The following STPG4 variants were observed in gnomAD, a reference collection of about 807,000 sequenced individuals.
STPG4 encodes the protein protein STPG4.
STPG4 carries 41 observed loss-of-function variants against 31.5 expected under a neutral mutation model. The observed-to-expected ratio is 1.30, with a 90% CI of 1.01 to 1.69. STPG4 has a LOEUF of 1.69. Among genes scored for constraint, STPG4 ranks in the 40% most tolerant of loss-of-function variants. The pLI, the probability that STPG4 is intolerant of heterozygous loss-of-function variation, is 0.00. For missense variants in STPG4, 375 were observed against 293.4 expected, an observed-to-expected ratio of 1.28 and a Z score of -2.03; for synonymous variants, 141 against 103.0, an observed-to-expected ratio of 1.37 and a Z score of -2.24.
At chr2:47,105,780 G>T (rs941502657) in intron 5 of STPG4, among the ~76,000 whole-genome samples, 1 of 152,026 alleles carries the variant, frequency 6.6e-6, no homozygotes, top group Non-Finnish European at 1.5e-5. Flanking sequence ...AACTGGGAAA[G>T]GGAAAAAGAA....
chr2:47,093,164 T>C, intron 5 of STPG4, among the ~76,000 whole-genome samples: 1 of 152,198 alleles, frequency 6.6e-6, no homozygotes, highest in East Asian at 1.9e-4. Context: ...GGGGCTGCCA[T>C]TCTCAATTAC....
chr2:47,103,625 C>A (rs1685844799), intron 5 of STPG4, among the ~76,000 whole-genome samples: 1 of 151,906 alleles, frequency 6.6e-6, no homozygotes, highest in Non-Finnish European at 1.5e-5. Context: ...TTTACTGGGA[C>A]ACTTTAAAAA....
intron 5 of STPG4, among the ~76,000 whole-genome samples, chr2:47,106,669 T>C (rs1429194789): frequency 6.6e-6 from 1 of 151,704 alleles, no homozygotes; most frequent in African/African-American, 2.4e-5. Flanking sequence ...AAGGATAGTA[T>C]GAGATACCGC....
At chr2:47,138,907 A>G (rs1028584703) in intron 3 of STPG4, among the ~76,000 whole-genome samples, 6 of 151,318 alleles carry the variant, frequency 4.0e-5, no homozygotes, top group African/African-American at 1.5e-4. Flanking sequence ...CTGGTCTTGA[A>G]CTCCTGACCT....
chr2:47,118,994 T>C (rs1686208289), intron 5 of STPG4, among the ~76,000 whole-genome samples: 1 of 152,246 alleles, frequency 6.6e-6, no homozygotes, highest in Non-Finnish European at 1.5e-5. Context: ...AGTTTTCGTA[T>C]AAAAGCTGAA....
intron 5 of STPG4, among the ~76,000 whole-genome samples, chr2:47,090,707 C>A (rs947340954): frequency 6.6e-6 from 1 of 152,232 alleles, no homozygotes; most frequent in Non-Finnish European, 1.5e-5. Context: ...GCATGCATGC[C>A]TCATGCCGTA....
intron 5 of STPG4, among the ~76,000 whole-genome samples, chr2:47,100,075 A>T (rs1039047482): frequency 3.9e-5 from 6 of 152,058 alleles, no homozygotes; most frequent in Non-Finnish European, 7.3e-5. Flanking sequence ...CCCTGCTCCA[A>T]GGTGCCCAGT....
intron 5 of STPG4, among the ~76,000 whole-genome samples, chr2:47,093,599 G>A (rs150125353): frequency 3.3e-5 from 5 of 152,306 alleles, no homozygotes; most frequent in East Asian, 3.9e-4. Context: ...GGCCTAATGC[G>A]GCTTTGCTTT....
intron 5 of STPG4, among the ~76,000 whole-genome samples, chr2:47,098,235 G>A (rs976534812): frequency 3.9e-5 from 6 of 152,150 alleles, no homozygotes; most frequent in Non-Finnish European, 8.8e-5. Context: ...TCACTGCTGC[G>A]CACTGACAGC....
At chr2:47,153,105 T>G in intron 1 of STPG4, 89 bp from the exon 2 acceptor site, 1 of 929,260 alleles carries the variant, frequency 1.1e-6, no homozygotes, top group African/African-American at 1.7e-5. Context: ...TTGAAGAAAT[T>G]CACACCCATA....
chr2:47,106,645 T>C (rs1322710377), intron 5 of STPG4, among the ~76,000 whole-genome samples: 1 of 151,912 alleles, frequency 6.6e-6, no homozygotes, highest in African/African-American at 2.4e-5. Context: ...GTGTTGTTTT[T>C]ACACTAACCA....
chr2:47,105,748 G>A (rs2103746448), intron 5 of STPG4, among the ~76,000 whole-genome samples: 1 of 152,180 alleles, frequency 6.6e-6, no homozygotes, highest in African/African-American at 2.4e-5. Context: ...AGCAGAACTA[G>A]TGGCACTTAC....
chr2:47,134,098 G>A (rs1040988208), intron 3 of STPG4, among the ~76,000 whole-genome samples: 15 of 145,520 alleles, frequency 1.0e-4, no homozygotes, highest in Admixed American at 6.9e-4. Flanking sequence ...TAGGGTCATA[G>A]CAAAATTGCA....
At position 47,152,430 on chromosome 2, in the gene STPG4, T is replaced by C. The variant is rs538329887; in HGVS notation, c.141+527A>G. On this transcript the variant is annotated intron_variant, in intron 2 of 6. Coordinates refer to ENST00000445927, the MANE Select transcript of STPG4 (RefSeq NM_001163561.2). ...GTTCTGCCTTTAAAATTACTGCAAT[T>C]CCAAGAAGGCTTTGACCCATGAAGT... 7.2e-5 allele frequency among the ~76,000 whole-genome samples: 11 copies of C among 152,260 alleles called. No individual in the cohort carries two copies. The East Asian group carries it at 1.9e-3, about 27-fold the overall frequency.
chr2:47,141,148 A>G (rs1044300571), intron 3 of STPG4, among the ~76,000 whole-genome samples: 6 of 151,976 alleles, frequency 3.9e-5, no homozygotes, highest in African/African-American at 4.8e-5. Flanking sequence ...CGGCCTCCCA[A>G]AGTGCTGGGA....
chr2:47,087,178 AC>A, intron 6 of STPG4, 48 bp from the exon 7 acceptor site: 1 of 1,545,038 alleles, frequency 6.5e-7, no homozygotes, highest in East Asian at 2.5e-5. Flanking sequence ...TGAAACCAAA[AC>A]CCTGAGGCTC....
chr2:47,115,874 G>A (rs1450396513), intron 5 of STPG4, among the ~76,000 whole-genome samples: 1 of 152,100 alleles, frequency 6.6e-6, no homozygotes, highest in South Asian at 2.1e-4. Context: ...GGCTGGTCTT[G>A]AACTCCTGAG....
chr2:47,137,856 T>G (rs866297801), intron 3 of STPG4, among the ~76,000 whole-genome samples: 3 of 152,166 alleles, frequency 2.0e-5, no homozygotes, highest in Non-Finnish European at 4.4e-5. Flanking sequence ...TCATTTGTGT[T>G]TTCTCTCTTT....
At chr2:47,151,684 A>T (rs780014778) in intron 2 of STPG4, among the ~76,000 whole-genome samples, 169 bp from the exon 3 acceptor site, 21 of 152,096 alleles carry the variant, frequency 1.4e-4, no homozygotes, top group Non-Finnish European at 3.1e-4. Flanking sequence ...CAAAATCATG[A>T]TTATTTCCTT....
Sources: allele counts gnomAD v4.1 joint callset (sites outside exome capture counted in the v4.1 genomes callset), GRCh38; gene constraint gnomAD v4.1.1; transcripts MANE v1.5; gene names NCBI Gene and HGNC (gene_info 2026-07-23, HGNC 2026-07-21).